Variants in GALNTL6 observed in about 807,000 individuals in gnomAD.
GALNTL6 encodes the protein polypeptide N-acetylgalactosaminyltransferase-like 6.
GALNTL6 carries 46 observed loss-of-function variants against 73.7 expected under a neutral mutation model. That is an observed-to-expected ratio of 0.62 (90% CI 0.49 to 0.80). GALNTL6 has a LOEUF of 0.80. GALNTL6 is among the 30% of genes least tolerant of loss of function. GALNTL6 has a pLI of 0.00. For synonymous variants in GALNTL6, 259 were observed against 263.7 expected (o/e 0.98, Z 0.17); for missense variants, 604 against 755.0 (o/e 0.80, Z 2.34).
At chr4:171,938,898 G>A (rs190097384) in intron 2 of GALNTL6, among the ~76,000 whole-genome samples, 20 of 152,142 alleles carry the variant, frequency 1.3e-4, no homozygotes, top group Admixed American at 1.1e-3. Flanking sequence ...TAAATTGATA[G>A]CATTTTTTAA....
At chr4:171,917,622 C>T (rs1303425514) in intron 2 of GALNTL6, among the ~76,000 whole-genome samples, 1 of 152,092 alleles carries the variant, frequency 6.6e-6, no homozygotes, top group African/African-American at 2.4e-5. Flanking sequence ...AAACAGCTTT[C>T]TATCTGGAGC....
intron 5 of GALNTL6, among the ~76,000 whole-genome samples, chr4:172,639,276 G>A (rs1739848772): frequency 6.6e-6 from 1 of 152,016 alleles, no homozygotes; most frequent in Non-Finnish European, 1.5e-5. Context: ...CAACCCTACT[G>A]GGACCTCCAT....
rs1738620770 is a variant in GALNTL6, at chr4:172,769,276, A to T, written c.554-40085A>T. Reference sequence around the variant, plus strand: ...AATGTGCTGGCTTGAGGTTTTAAAAAAAAGATATTTTAAAGATATTTTAGG... The same window carrying T: ...AATGTGCTGGCTTGAGGTTTTAAAATAAAGATATTTTAAAGATATTTTAGG... On this transcript the variant is annotated intron_variant, in intron 5 of 12. Coordinates refer to ENST00000506823, the MANE Select transcript of GALNTL6 (RefSeq NM_001034845.3). Among the ~76,000 whole-genome samples, 3 of 152,216 alleles carry T rather than the reference A, an allele frequency of 2.0e-5. No homozygotes were observed. The South Asian group carries it at 6.2e-4, about 32-fold the overall frequency.
chr4:172,473,914 A>G (rs1733140445), intron 5 of GALNTL6, among the ~76,000 whole-genome samples: 2 of 152,182 alleles, frequency 1.3e-5, no homozygotes, highest in African/African-American at 2.4e-5. Context: ...CAGTAGCCAG[A>G]GTGATCCTTT....
intron 3 of GALNTL6, among the ~76,000 whole-genome samples, chr4:172,281,345 C>T (rs1739047798): frequency 6.6e-6 from 1 of 152,114 alleles, no homozygotes. Flanking sequence ...ACATTACTCC[C>T]ACCTCTGCTT....
intron 3 of GALNTL6, among the ~76,000 whole-genome samples, chr4:172,268,717 A>G (rs1348710459): frequency 6.6e-6 from 1 of 152,144 alleles, no homozygotes; most frequent in African/African-American, 2.4e-5. Context: ...TTTAGATGAA[A>G]TCGTAAGGGT....
intron 5 of GALNTL6, among the ~76,000 whole-genome samples, chr4:172,624,055 T>C (rs184110955): frequency 8.7e-4 from 133 of 152,296 alleles, no homozygotes; most frequent in African/African-American, 2.6e-3. Flanking sequence ...ACTTGACAAC[T>C]ATATGGATCA....
intron 5 of GALNTL6, among the ~76,000 whole-genome samples, chr4:172,738,824 A>G (rs887726490): frequency 2.6e-5 from 4 of 152,166 alleles, no homozygotes; most frequent in Non-Finnish European, 5.9e-5. Flanking sequence ...AGGTGAGACA[A>G]CTCAAAGCAG....
rs1377307608 is a variant in GALNTL6, at chr4:172,965,877, T to C, written c.1371+13619T>C. 3.9e-4 allele frequency among the ~76,000 whole-genome samples: 60 copies of C among 152,172 alleles called. 1 individual carries two copies. Among genetic ancestry groups the C allele is most frequent in the Admixed American group, 3.9e-3 (59 of 15,280 alleles). ...ACACATAAATATATACTTTTTTGGA[T>C]TTGTGTGACAGGAGTCCATGACATT... is the stretch of plus-strand genomic sequence containing the variant. On this transcript the variant is annotated intron_variant, in intron 10 of 12. Transcript: ENST00000506823.
intron 7 of GALNTL6, among the ~76,000 whole-genome samples, chr4:172,825,214 G>T (rs982630718): frequency 6.6e-6 from 1 of 150,988 alleles, no homozygotes; most frequent in East Asian, 2.0e-4. Context: ...GTCTGTTTTT[G>T]TGTCCTGGAG....
At chr4:172,988,132 G>T (rs1307046764) in intron 10 of GALNTL6, among the ~76,000 whole-genome samples, 1 of 152,208 alleles carries the variant, frequency 6.6e-6, no homozygotes, top group Non-Finnish European at 1.5e-5. Flanking sequence ...GGGAAAGTTT[G>T]AATCTTCCTA....
At chr4:172,784,530 G>A (rs1164829175) in intron 5 of GALNTL6, among the ~76,000 whole-genome samples, 1 of 152,026 alleles carries the variant, frequency 6.6e-6, no homozygotes, top group African/African-American at 2.4e-5. Context: ...TGGGTAGACA[G>A]GGCAATATAC....
chr4:172,528,763 A>G (rs1385633135), intron 5 of GALNTL6, among the ~76,000 whole-genome samples: 1 of 150,562 alleles, frequency 6.6e-6, no homozygotes, highest in Non-Finnish European at 1.5e-5. Context: ...ATCAAACAAT[A>G]TTTTGTTTCA....
At chr4:171,860,784 A>G (rs748461421) in intron 2 of GALNTL6, among the ~76,000 whole-genome samples, 12 of 152,144 alleles carry the variant, frequency 7.9e-5, no homozygotes, top group Non-Finnish European at 1.2e-4. Context: ...TTGTCCTGGA[A>G]TGCAGCCCTT....
intron 2 of GALNTL6, among the ~76,000 whole-genome samples, chr4:172,128,317 A>G (rs1249790742): frequency 1.3e-5 from 2 of 152,182 alleles, no homozygotes; most frequent in African/African-American, 4.8e-5. Flanking sequence ...AGGATCCCTT[A>G]AGGAGTTTTG....
At chr4:173,016,362 C>G (rs1481068211) in intron 11 of GALNTL6, among the ~76,000 whole-genome samples, 2 of 152,334 alleles carry the variant, frequency 1.3e-5, no homozygotes, top group East Asian at 3.9e-4. Flanking sequence ...GAAAAAGCCA[C>G]AGGCACTCAA....
At chr4:171,836,709 C>G (rs541083900) in intron 2 of GALNTL6, among the ~76,000 whole-genome samples, 1 of 152,036 alleles carries the variant, frequency 6.6e-6, no homozygotes, top group East Asian at 1.9e-4. Context: ...AGTCTTCTTT[C>G]GTGATTGTCA....
At chr4:172,271,147 G>A (rs1046635467) in intron 3 of GALNTL6, among the ~76,000 whole-genome samples, 2 of 152,044 alleles carry the variant, frequency 1.3e-5, no homozygotes, top group African/African-American at 4.8e-5. Context: ...ATAAGAAATT[G>A]TCATAATGGA....
chr4:171,954,933 A>G (rs1282831114), intron 2 of GALNTL6, among the ~76,000 whole-genome samples: 2 of 152,108 alleles, frequency 1.3e-5, no homozygotes, highest in African/African-American at 4.8e-5. Context: ...TTGTAAGTTT[A>G]CTGAGGCCTC....
Sources: gnomAD v4.1 joint callset for allele counts (sites outside exome capture counted in the v4.1 genomes callset) on GRCh38, gnomAD v4.1.1 for gene constraint, MANE v1.5 for transcripts, NCBI Gene and HGNC (gene_info 2026-07-23, HGNC 2026-07-21) for gene names.